The following CCSER1 variants were observed in gnomAD, a reference collection of about 807,000 sequenced individuals.
CCSER1 encodes the protein serine-rich coiled-coil domain-containing protein 1.
Under a neutral mutation model 82.0 loss-of-function variants are expected in CCSER1, and 41 were observed. That is an observed-to-expected ratio of 0.50 (90% CI 0.39 to 0.65). CCSER1 has a LOEUF of 0.65. CCSER1 is among the 30% of genes least tolerant of loss of function. The pLI, the probability that CCSER1 is intolerant of heterozygous loss-of-function variation, is 0.00. For missense variants in CCSER1, 1,119 were observed against 1,064.2 expected, an observed-to-expected ratio of 1.05 and a Z score of -0.72; for synonymous variants, 414 against 383.9, an observed-to-expected ratio of 1.08 and a Z score of -0.92.
At chr4:90,559,601 GC>G (rs1778494505) in intron 5 of CCSER1, among the ~76,000 whole-genome samples, 1 of 151,944 alleles carries the variant, frequency 6.6e-6, no homozygotes, top group Admixed American at 6.6e-5. Flanking sequence ...TGGGAGGATT[GC>G]TTGAGCCCAG....
intron 10 of CCSER1, among the ~76,000 whole-genome samples, chr4:91,312,940 G>A (rs1482207688): frequency 6.6e-6 from 1 of 151,898 alleles, no homozygotes; most frequent in Non-Finnish European, 1.5e-5. Context: ...AAATGTTATA[G>A]CATTCTGAAA....
At chr4:90,435,544 T>C (rs148607474) in intron 4 of CCSER1, among the ~76,000 whole-genome samples, 1 of 152,238 alleles carries the variant, frequency 6.6e-6, no homozygotes, top group Non-Finnish European at 1.5e-5. Flanking sequence ...AATAGAGTAA[T>C]AGCATTATAA....
chr4:90,256,522 T>A (rs1723316081), intron 1 of CCSER1, among the ~76,000 whole-genome samples: 1 of 152,192 alleles, frequency 6.6e-6, no homozygotes. Context: ...CCTGTCATAT[T>A]CTAAAATGTT....
intron 9 of CCSER1, among the ~76,000 whole-genome samples, chr4:90,960,330 T>C (rs1368970716): frequency 1.3e-5 from 2 of 152,114 alleles, no homozygotes; most frequent in African/African-American, 2.4e-5. Flanking sequence ...CACAGAAACA[T>C]GAAATGCCTT....
intron 6 of CCSER1, among the ~76,000 whole-genome samples, chr4:90,658,863 A>G (rs895252647): frequency 6.6e-6 from 1 of 152,332 alleles, no homozygotes; most frequent in African/African-American, 2.4e-5. Flanking sequence ...CAAACTAAAT[A>G]TCTTAGAATA....
At chr4:91,450,916 AAAC>A (rs1247337026) in intron 10 of CCSER1, among the ~76,000 whole-genome samples, 1 of 152,054 alleles carries the variant, frequency 6.6e-6, no homozygotes, top group African/African-American at 2.4e-5. Context: ...GTAATACATG[AAAC>A]ATCAGGCAAA....
chr4:90,949,083 A>G (rs1732601863), intron 9 of CCSER1, among the ~76,000 whole-genome samples: 1 of 152,112 alleles, frequency 6.6e-6, no homozygotes, highest in African/African-American at 2.4e-5. Flanking sequence ...ATTATCTTAT[A>G]AATTTGTATA....
chr4:91,378,852 G>GT (rs1750646473), intron 10 of CCSER1, among the ~76,000 whole-genome samples: 1 of 152,102 alleles, frequency 6.6e-6, no homozygotes, highest in Non-Finnish European at 1.5e-5. Context: ...AATGCTTCCA[G>GT]TTTTTGCCCA....
chr4:90,448,243 A>G (rs1760934402), intron 4 of CCSER1, among the ~76,000 whole-genome samples: 1 of 151,624 alleles, frequency 6.6e-6, no homozygotes, highest in South Asian at 2.1e-4. Context: ...TAGAATGGAT[A>G]ACAACCATGA....
At chr4:90,964,731 C>CAAAAA (rs71596540) in intron 9 of CCSER1, among the ~76,000 whole-genome samples, 2 of 77,576 alleles carry the variant, frequency 2.6e-5, no homozygotes, top group African/African-American at 1.2e-4. Context: ...ACTCTGTCTC[C>CAAAAA]AAAAAAAAAA....
In CCSER1 at chr4:90,955,990, A is replaced by G. The variant is rs115815163; in HGVS notation, c.2172+32543A>G. Among the ~76,000 whole-genome samples, 379 of 152,246 alleles carry G rather than the reference A, an allele frequency of 2.5e-3. 1 individual carries two copies. The highest frequency in any genetic ancestry group is 8.7e-3 in the African/African-American group (361 of 41,548). On this transcript the variant is annotated intron_variant, in intron 9 of 10. Coordinates refer to ENST00000509176, the MANE Select transcript of CCSER1 (RefSeq NM_001145065.2). ...ATCTAATGTTTTTCTTGTGTATTAT[A>G]TATATATATCAATGCATTTGTTTAT...
intron 10 of CCSER1, among the ~76,000 whole-genome samples, chr4:91,124,286 A>G (rs930142764): frequency 6.6e-5 from 10 of 151,824 alleles, no homozygotes; most frequent in African/African-American, 2.2e-4. Flanking sequence ...AACCAAACAT[A>G]GTGTAAATAA....
intron 5 of CCSER1, among the ~76,000 whole-genome samples, chr4:90,479,631 G>T (rs1049243426): frequency 6.6e-6 from 1 of 151,994 alleles, no homozygotes; most frequent in Non-Finnish European, 1.5e-5. Context: ...GCGGTGTTTG[G>T]TTTTTTGTCC....
At chr4:90,839,074 C>G (rs373383665) in intron 8 of CCSER1, 1 of 1,581,956 alleles carries the variant, frequency 6.3e-7, no homozygotes, top group South Asian at 1.1e-5. Context: ...CGCGCGAGTA[C>G]GAGCGAAGTC....
In CCSER1 at chr4:90,309,333, T is replaced by C. The variant is rs1561000268; in HGVS notation, c.1049T>C (p.Leu350Ser). The change falls in exon 2 of 11, where the codon TTA becomes TCA. Residue 350 changes from leucine to serine, a missense_variant. By Grantham distance (145) the Leu-to-Ser change is moderately radical. Transcript: ENST00000509176. ...TSAANQKEVL[L>S]QIAELPATSV... Reference sequence around the variant, plus strand: ...GCTGCTAATCAGAAGGAAGTGTTATTACAAATTGCTGAACTACCTGCTACA... The same window carrying C: ...GCTGCTAATCAGAAGGAAGTGTTATCACAAATTGCTGAACTACCTGCTACA... The C allele has an allele frequency of 6.2e-7, 1 of 1,613,894 alleles. No individual in the cohort carries two copies. Among genetic ancestry groups the C allele is most frequent in the Non-Finnish European group, 8.5e-7 (1 of 1,179,824 alleles).
intron 10 of CCSER1, among the ~76,000 whole-genome samples, chr4:91,405,739 G>C (rs576710506): frequency 6.6e-6 from 1 of 152,188 alleles, no homozygotes; most frequent in East Asian, 1.9e-4. Context: ...CACAGTATTA[G>C]GGTAAGAGTG....
At chr4:91,049,915 G>A (rs577254782) in intron 9 of CCSER1, among the ~76,000 whole-genome samples, 10 of 152,092 alleles carry the variant, frequency 6.6e-5, no homozygotes, top group South Asian at 4.2e-4. Context: ...CAGAAGTCTC[G>A]GGCACTGGCC....
intron 1 of CCSER1, among the ~76,000 whole-genome samples, chr4:90,238,914 G>A (rs1383161185): frequency 1.3e-5 from 2 of 151,678 alleles, no homozygotes; most frequent in East Asian, 3.9e-4. Context: ...GCAATGGCAT[G>A]ATCTCGGCTC....
chr4:90,393,390 G>A (rs1751482083), intron 3 of CCSER1, among the ~76,000 whole-genome samples: 1 of 152,160 alleles, frequency 6.6e-6, no homozygotes, highest in Non-Finnish European at 1.5e-5. Flanking sequence ...GAATAGTGGA[G>A]ACGGAAATGT....
Sources: gnomAD v4.1 joint callset for allele counts (sites outside exome capture counted in the v4.1 genomes callset) on GRCh38, gnomAD v4.1.1 for gene constraint, MANE v1.5 for transcripts, NCBI Gene and HGNC (gene_info 2026-07-23, HGNC 2026-07-21) for gene names.